Variants in CARHSP1 observed in about 807,000 individuals in gnomAD.
CARHSP1 encodes the protein calcium regulated heat stable protein 1, also known as calcium-regulated heat-stable protein 1.
A neutral mutation model predicts 12.5 loss-of-function variants in CARHSP1; 14 were observed. That is an observed-to-expected ratio of 1.12 (90% confidence interval 0.74 to 1.75). The LOEUF is 1.75. Among genes scored for constraint, CARHSP1 ranks in the 40% most tolerant of loss-of-function variants. The pLI is 0.00. For synonymous variants in CARHSP1, 161 were observed against 82.0 expected (o/e 1.96, Z -5.20); for missense variants, 343 against 201.6 (o/e 1.70, Z -4.25).
Position 8,853,394 on chromosome 16 carries a change from T to TACAAGGAGCATCGCA in CARHSP1, c.*1769_*1770insTGCGATGCTCCTTGT. On this transcript the variant is annotated 3_prime_UTR_variant, in exon 4 of 4. Coordinates refer to ENST00000311052, the MANE Select transcript of CARHSP1 (RefSeq NM_014316.4). ...CAGAGGCGGGAGAGGAGGGTGAGGA[T>TACAAGGAGCATCGCA]GTACAAGGAGCATCGCAGGCGAGGA... 1 of 151,890 alleles carries TACAAGGAGCATCGCA rather than the reference T, an allele frequency of 6.6e-6. No individual in the cohort carries two copies. The highest frequency in any genetic ancestry group is 1.5e-5 in the Non-Finnish European group (1 of 68,028). 9.4% of individuals were successfully genotyped at this position (151,890 alleles called of 1,614,324 possible).
chr16:8,863,126 T>TC (rs1218633755), intron 1 of CARHSP1, among the ~76,000 whole-genome samples: 8 of 136,276 alleles, frequency 5.9e-5, no homozygotes, highest in Non-Finnish European at 1.1e-4. Context: ...TTTTTTTTTT[T>TC]TTTTTTTTTT....
chr16:8,859,102 C>G (rs770834925), intron 2 of CARHSP1, 69 bp downstream of exon 2: 42 of 1,425,120 alleles, frequency 2.9e-5, no homozygotes, highest in Non-Finnish European at 3.5e-5. Flanking sequence ...TGGCCAGAGA[C>G]ACAGTGAATC....
intron 1 of CARHSP1, chr16:8,860,558 G>A (rs760745700): frequency 2.0e-6 from 2 of 983,352 alleles, no homozygotes; most frequent in Non-Finnish European, 2.4e-6. Flanking sequence ...CCCATCTCTG[G>A]GCTCAGTTTC....
chr16:8,858,263 C>A, intron 3 of CARHSP1, 87 bp downstream of exon 3: 3 of 1,483,560 alleles, frequency 2.0e-6, no homozygotes, highest in Non-Finnish European at 2.7e-6. Context: ...CACCCAGCGC[C>A]CATCAGAGTC....
At position 8,860,943 on chromosome 16, in the gene CARHSP1, G is replaced by C. The variant is rs566790317; in HGVS notation, c.-7-1608C>G. ...TGGGTGCCTGTAATCCCAGCTACTC[G>C]GGAGGCCAAAGCTGGAGAATTGCTT... On this transcript the variant is annotated intron_variant, in intron 1 of 3. Coordinates refer to ENST00000311052, the MANE Select transcript of CARHSP1 (RefSeq NM_014316.4). 7.1e-4 allele frequency among the ~76,000 whole-genome samples: 108 copies of C among 151,462 alleles called. 3 individuals carry two copies. In the South Asian group the frequency reaches 0.02, roughly 28 times the overall value.
In CARHSP1 at chr16:8,855,130, A is replaced by T. The variant is rs751108950; in HGVS notation, c.*34T>A. 6.1e-6 allele frequency: 9 copies of T among 1,483,644 alleles called. No individual in the cohort carries two copies. The highest frequency in any genetic ancestry group is 8.1e-6 in the Non-Finnish European group (9 of 1,105,404). 91.9% of individuals were successfully genotyped at this position (1,483,644 alleles called of 1,614,324 possible). On this transcript the variant is annotated 3_prime_UTR_variant, in exon 4 of 4. Transcript: ENST00000311052. ...CTGCCTCCTCCCTGCAAAGTCTCCC[A>T]CAAGCACAGGACAAGGGGTGCTTCC... is the stretch of plus-strand genomic sequence containing the variant.
chr16:8,860,623 TG>T (rs1265748676), intron 1 of CARHSP1: 3 of 457,026 alleles, frequency 6.6e-6, no homozygotes, highest in African/African-American at 4.4e-5. Context: ...TGCGCAGGGC[TG>T]GTGATGGGGG....
rs117557663 is a variant in CARHSP1, at chr16:8,854,588, C to T, written c.*576G>A. ...CACCAAAAGGCAACATCCGTCCAAT[C>T]CAAAGACCGCCACCCCCGCCTTTCC... On this transcript the variant is annotated 3_prime_UTR_variant, in exon 4 of 4. Transcript: ENST00000311052. 6.0e-3 allele frequency: 918 copies of T among 153,004 alleles called. 9 individuals carry two copies. Among genetic ancestry groups the T allele is most frequent in the Middle Eastern group, 0.024 (7 of 294 alleles). The allele number at this position is 153,004 out of a possible 1,614,324, so 9.5% of individuals were successfully genotyped here. A position where few individuals can be genotyped will look rare whatever the true frequency, so the allele number is the denominator to read the frequency against.
rs2061053302 is a variant in CARHSP1 at position 8,855,081 on chromosome 16, G to A, written c.*83C>T. On this transcript the variant is annotated 3_prime_UTR_variant, in exon 4 of 4. Coordinates refer to ENST00000311052, the MANE Select transcript of CARHSP1 (RefSeq NM_014316.4). ...CCCGGCTGAAGCCCCGTCTCGTGTGGAAGAATGTCATCTCCAGTGTCTGCT... is the reference window on the plus strand; with the variant it reads ...CCCGGCTGAAGCCCCGTCTCGTGTGAAAGAATGTCATCTCCAGTGTCTGCT... 6.2e-6 allele frequency: 8 copies of A among 1,288,170 alleles called. No individual in the cohort carries two copies. Among genetic ancestry groups the A allele is most frequent in the Non-Finnish European group, 8.4e-6 (8 of 957,538 alleles). 79.8% of individuals were successfully genotyped at this position (1,288,170 alleles called of 1,614,324 possible).
At chr16:8,855,795 G>C (rs62033505) in intron 3 of CARHSP1, among the ~76,000 whole-genome samples, 1 of 152,138 alleles carries the variant, frequency 6.6e-6, no homozygotes, top group African/African-American at 2.4e-5. Flanking sequence ...AAACCGCACC[G>C]TGTCTTTGTT....
chr16:8,856,128 A>T (rs1335975291), intron 3 of CARHSP1, among the ~76,000 whole-genome samples: 2 of 152,152 alleles, frequency 1.3e-5, no homozygotes, highest in Admixed American at 1.3e-4. Flanking sequence ...GCCTTCAAGA[A>T]GGTCCCTTTG....
intron 1 of CARHSP1, among the ~76,000 whole-genome samples, chr16:8,863,723 G>A (rs1293757076): frequency 6.6e-6 from 1 of 152,182 alleles, no homozygotes; most frequent in African/African-American, 2.4e-5. Flanking sequence ...AATGGCCTCA[G>A]TGCGGGGGAG....
chr16:8,866,631 C>A (rs934654702), intron 1 of CARHSP1, among the ~76,000 whole-genome samples: 1 of 152,038 alleles, frequency 6.6e-6, no homozygotes, highest in Non-Finnish European at 1.5e-5. Flanking sequence ...GTCAGGCTGG[C>A]CTAGCCACAT....
At chr16:8,859,913 G>A (rs1256376086) in intron 1 of CARHSP1, 1 of 153,458 alleles carries the variant, frequency 6.5e-6, no homozygotes, top group East Asian at 1.9e-4. Context: ...GGAGGCGGAG[G>A]TTCCAGTGAG....
chr16:8,866,590 C>A, intron 1 of CARHSP1: 2 of 321,674 alleles, frequency 6.2e-6, no homozygotes, highest in Non-Finnish European at 9.0e-6. Context: ...GCGATAGAGG[C>A]CGAGAACGAG....
At chr16:8,861,751 C>G (rs1405518100) in intron 1 of CARHSP1, 18 of 1,285,068 alleles carry the variant, frequency 1.4e-5, no homozygotes, top group Non-Finnish European at 1.8e-5. Context: ...GCCCCAGCTG[C>G]TGGCCTGGGG....
At chr16:8,858,075 TACACACCCATTCACAAAG>T (rs1024399961) in intron 3 of CARHSP1, 8 of 458,956 alleles carry the variant, frequency 1.7e-5, no homozygotes, top group African/African-American at 9.9e-5. Flanking sequence ...CACAAAACCT[TACACACCCATTCACAAAG>T]ACACACCCAG....
intron 1 of CARHSP1, chr16:8,868,414 C>G (rs908957781): frequency 1.3e-5 from 2 of 151,958 alleles, no homozygotes; most frequent in African/African-American, 4.8e-5. Context: ...CACCCCCATC[C>G]GGGCGCAAAC....
intron 1 of CARHSP1, among the ~76,000 whole-genome samples, chr16:8,865,545 G>A (rs1401577598): frequency 2.0e-5 from 3 of 152,244 alleles, no homozygotes; most frequent in Non-Finnish European, 2.9e-5. Context: ...CAAAATGAGG[G>A]TGTCTTGAGC....
Sources: gnomAD v4.1 joint callset for allele counts (sites outside exome capture counted in the v4.1 genomes callset) on GRCh38, gnomAD v4.1.1 for gene constraint, MANE v1.5 for transcripts, NCBI Gene and HGNC (gene_info 2026-07-23, HGNC 2026-07-21) for gene names.